SIGLEC15: variants seen among roughly 807,000 people sequenced by gnomAD.
SIGLEC15 encodes the protein sialic acid binding Ig like lectin 15, also known as sialic acid-binding Ig-like lectin 15.
SIGLEC15 carries 31 observed loss-of-function variants against 26.2 expected under a neutral mutation model. The observed-to-expected ratio is 1.18, with a 90% CI of 0.89 to 1.60. The LOEUF is 1.60. Among genes scored for constraint, SIGLEC15 ranks in the 40% most tolerant of loss-of-function variants. The pLI is 0.00. For missense variants in SIGLEC15, 501 were observed against 488.4 expected (o/e 1.03, Z -0.24); for synonymous variants, 207 against 221.9 (o/e 0.93, Z 0.60).
At chr18:45,839,522 C>A (rs1050600932) in intron 4 of SIGLEC15, among the ~76,000 whole-genome samples, 10 of 152,140 alleles carry the variant, frequency 6.6e-5, no homozygotes, top group African/African-American at 2.4e-4. Context: ...CCCTGCCCTG[C>A]AGTGCGTGCT....
chr18:45,837,408 C>G, intron 2 of SIGLEC15, 105 bp from the exon 3 acceptor site: 2 of 1,369,492 alleles, frequency 1.5e-6, no homozygotes, highest in Non-Finnish European at 1.9e-6. Context: ...GGTTTCCAGG[C>G]TAGGGGTTGG....
rs766504563 is a variant in SIGLEC15, at chr18:45,838,968, C to T, written c.747C>T (p.Ser249=). 2 of 1,603,722 alleles carry T rather than the reference C, an allele frequency of 1.2e-6. No individual in the cohort carries two copies. Among genetic ancestry groups the T allele is most frequent in the Admixed American group, 1.7e-5 (1 of 59,782 alleles). ...ACAGCCTGGGCCGCTCCGAGGCCAG[C>T]GTCTACCTGTTCCGCTTCCATGGCG... is the stretch of plus-strand genomic sequence containing the variant. ...AANSLGRSEA[S]VYLFRFHGAS... Residue 249 remains serine, a synonymous_variant, in exon 4 of 6, where the codon AGC becomes AGT. Transcript: ENST00000389474.
At chr18:45,834,706 C>T (rs895761476) in intron 1 of SIGLEC15, among the ~76,000 whole-genome samples, 3 of 152,206 alleles carry the variant, frequency 2.0e-5, no homozygotes, top group Non-Finnish European at 2.9e-5. Context: ...CACCACAGCT[C>T]GTACCCCAGT....
chr18:45,838,291 C>G (rs549520483), intron 3 of SIGLEC15, among the ~76,000 whole-genome samples: 2 of 152,294 alleles, frequency 1.3e-5, no homozygotes, highest in East Asian at 1.9e-4. Context: ...GGTGCACAGA[C>G]AGCCCACCAA....
Position 45,837,903 on chromosome 18 carries a change from C to A in SIGLEC15, c.496+7C>A, listed in dbSNP as rs1445222138. 12 of 1,496,922 alleles carry A rather than the reference C, an allele frequency of 8.0e-6. No homozygotes were observed. Among genetic ancestry groups the A allele is most frequent in the Non-Finnish European group, 7.9e-6 (9 of 1,134,200 alleles). 92.7% of individuals were successfully genotyped at this position (1,496,922 alleles called of 1,614,324 possible). A position where few individuals can be genotyped will look rare whatever the true frequency, so the allele number is the denominator to read the frequency against. ...GTCCGGCTGCACGTGACAGGCGAGG[C>A]GGCGTGGGAGCGGGTCCCCGGCCTC... On this transcript the variant is annotated splice_region_variant and intron_variant, in intron 3 of 5. Coordinates refer to ENST00000389474, the MANE Select transcript of SIGLEC15 (RefSeq NM_213602.3).
intron 1 of SIGLEC15, among the ~76,000 whole-genome samples, chr18:45,831,773 T>C (rs902192483): frequency 1.3e-5 from 2 of 151,258 alleles, no homozygotes; most frequent in Non-Finnish European, 2.9e-5. Flanking sequence ...GTTTCACTCT[T>C]GTTGCCCAGG....
intron 1 of SIGLEC15, among the ~76,000 whole-genome samples, chr18:45,827,097 G>A (rs904139787): frequency 1.3e-5 from 2 of 152,150 alleles, no homozygotes; most frequent in African/African-American, 4.8e-5. Context: ...TAAATTTTTA[G>A]TAGAGACAGA....
Position 45,837,914 on chromosome 18 carries a change from C to T in SIGLEC15, c.496+18C>T. 3 of 1,474,216 alleles carry T rather than the reference C, an allele frequency of 2.0e-6. No individual in the cohort carries two copies. Among genetic ancestry groups the T allele is most frequent in the Admixed American group, 4.8e-5 (2 of 41,848 alleles). The allele number at this position is 1,474,216 out of a possible 1,614,324, so 91.3% of individuals were successfully genotyped here. A position where few individuals can be genotyped will look rare whatever the true frequency, so the allele number is the denominator to read the frequency against. ...CGTGACAGGCGAGGCGGCGTGGGAGCGGGTCCCCGGCCTCCCTTCCCGCCC... is the reference window on the plus strand; with the variant it reads ...CGTGACAGGCGAGGCGGCGTGGGAGTGGGTCCCCGGCCTCCCTTCCCGCCC... On this transcript the variant is annotated intron_variant, in intron 3 of 5. Transcript: ENST00000389474.
chr18:45,842,691 T>G lies in SIGLEC15; in HGVS notation c.*504T>G, dbSNP rs2048335784. On this transcript the variant is annotated 3_prime_UTR_variant, in exon 6 of 6. Coordinates refer to ENST00000389474, the MANE Select transcript of SIGLEC15 (RefSeq NM_213602.3). Reference sequence around the variant, plus strand: ...GACAATCATATTCTTCCCTCCTGGCTGGGAGGACTACAAAGATCTGAGGAA... The same window carrying G: ...GACAATCATATTCTTCCCTCCTGGCGGGGAGGACTACAAAGATCTGAGGAA... 6.3e-6 allele frequency: 1 copy of G among 158,524 alleles called. No individual in the cohort carries two copies. Among genetic ancestry groups the G allele is most frequent in the African/African-American group, 2.4e-5 (1 of 41,588 alleles). 9.8% of individuals were successfully genotyped at this position (158,524 alleles called of 1,614,324 possible).
At chr18:45,829,440 C>A (rs1167096709) in intron 1 of SIGLEC15, among the ~76,000 whole-genome samples, 1 of 152,192 alleles carries the variant, frequency 6.6e-6, no homozygotes, top group African/African-American at 2.4e-5. Context: ...AACTTGCAAG[C>A]CCAGAGAAAG....
Position 45,839,010 on chromosome 18 carries a change from G to C in SIGLEC15, c.789G>C (p.Thr263=), listed in dbSNP as rs1287714069. ...FRFHGASGAS[T]VALLLGALGF... ...TCCATGGCGCCAGCGGGGCCTCGAC[G>C]GTCGCCCTCCTGCTCGGCGCTCTCG... Residue 263 remains threonine (T), a synonymous_variant, in exon 4 of 6, where the codon ACG becomes ACC. Coordinates refer to ENST00000389474, the MANE Select transcript of SIGLEC15 (RefSeq NM_213602.3). The C allele has an allele frequency of 6.3e-7, 1 of 1,591,458 alleles. No individual in the cohort carries two copies. Among genetic ancestry groups the C allele is most frequent in the Non-Finnish European group, 8.5e-7 (1 of 1,174,992 alleles).
In SIGLEC15 at chr18:45,838,910, C is replaced by G; in HGVS notation, c.689C>G (p.Thr230Ser). ...GTGACCGCCGAACTGCCCGCACTGA[C>G]CCATGACGGCCGCTACACGTGTACG... ...HLVTAELPAL[T>S]HDGRYTCTAA... Residue 230 changes from threonine (T) to serine (S), a missense_variant, in exon 4 of 6, where the codon ACC becomes AGC. By Grantham distance (58) the Thr-to-Ser change is moderately conservative (BLOSUM62 1). Coordinates refer to ENST00000389474, the MANE Select transcript of SIGLEC15 (RefSeq NM_213602.3). The G allele has an allele frequency of 1.2e-6, 2 of 1,602,250 alleles. No homozygotes were observed. Among genetic ancestry groups the G allele is most frequent in the Non-Finnish European group, 1.7e-6 (2 of 1,177,740 alleles).
intron 1 of SIGLEC15, among the ~76,000 whole-genome samples, chr18:45,826,899 A>G (rs1015015608): frequency 5.9e-5 from 9 of 152,170 alleles, no homozygotes; most frequent in Non-Finnish European, 1.3e-4. Flanking sequence ...ACCCTATGAG[A>G]AAGGAACTCT....
At chr18:45,840,180 C>T in intron 4 of SIGLEC15, 31 bp from the exon 5 acceptor site, 1 of 1,612,222 alleles carries the variant, frequency 6.2e-7, no homozygotes, top group Non-Finnish European at 8.5e-7. Context: ...GGTGGAGATT[C>T]ATGCCTGCTC....
chr18:45,838,525 T>C lies in SIGLEC15; in HGVS notation c.497-193T>C. 4.0e-6 allele frequency: 3 copies of C among 756,820 alleles called. No homozygotes were observed. In the South Asian group the frequency reaches 6.3e-5, roughly 16 times the overall value. The allele number at this position is 756,820 out of a possible 1,614,324, so 46.9% of individuals were successfully genotyped here. On this transcript the variant is annotated intron_variant, in intron 3 of 5. Coordinates refer to ENST00000389474, the MANE Select transcript of SIGLEC15 (RefSeq NM_213602.3). ...GGCAACTGCTATCATGATCCTCACT[T>C]TACACATGGAGAAGCAGAAGCAGAG... is the stretch of plus-strand genomic sequence containing the variant.
intron 1 of SIGLEC15, among the ~76,000 whole-genome samples, chr18:45,827,400 A>G (rs996916242): frequency 5.9e-5 from 9 of 152,170 alleles, no homozygotes; most frequent in Admixed American, 3.3e-4. Context: ...CTGACAGGGA[A>G]GGAGCTATCT....
chr18:45,833,993 G>A (rs1284723963), intron 1 of SIGLEC15, among the ~76,000 whole-genome samples: 1 of 152,182 alleles, frequency 6.6e-6, no homozygotes, highest in African/African-American at 2.4e-5. Flanking sequence ...ACTCCGCAGA[G>A]CACTGTGTGC....
chr18:45,840,122 C>A, intron 4 of SIGLEC15, 89 bp from the exon 5 acceptor site: 1 of 1,464,202 alleles, frequency 6.8e-7, no homozygotes, highest in Non-Finnish European at 9.5e-7. Context: ...TCCTCGAGAC[C>A]CCTTCCACAT....
Position 45,839,036 on chromosome 18 carries a change from G to A in SIGLEC15, c.815G>A (p.Gly272Asp), listed in dbSNP as rs1043627057. The change falls in exon 4 of 6, where the codon GGC becomes GAC. Residue 272 changes from glycine (G) to aspartate (D), a missense_variant. Gly to Asp is a moderately conservative substitution (Grantham distance 94, BLOSUM62 -1). Transcript: ENST00000389474. ...GTCGCCCTCCTGCTCGGCGCTCTCG[G>A]CTTCAAGGCGCTGCTGCTGCTCGGG... ...STVALLLGAL[G>D]FKALLLLGVL... 1.3e-6 allele frequency: 2 copies of A among 1,558,916 alleles called. No individual in the cohort carries two copies. Among genetic ancestry groups the A allele is most frequent in the South Asian group, 1.2e-5 (1 of 85,844 alleles).
Sources: allele counts gnomAD v4.1 joint callset (sites outside exome capture counted in the v4.1 genomes callset), GRCh38; gene constraint gnomAD v4.1.1; transcripts MANE v1.5; gene names NCBI Gene and HGNC (gene_info 2026-07-23, HGNC 2026-07-21).